The following ACSBG1 variants were observed in gnomAD, a reference collection of about 807,000 sequenced individuals.
ACSBG1 encodes the protein acyl-CoA synthetase bubblegum family member 1.
In ACSBG1, 39 loss-of-function variants were observed where a neutral mutation model predicts 80.2. That is an observed-to-expected ratio of 0.49 (90% CI 0.38 to 0.64). ACSBG1 has a LOEUF of 0.64. ACSBG1 is among the 30% of genes least tolerant of loss of function. The pLI is 0.00. For missense variants in ACSBG1, 828 were observed against 966.4 expected (o/e 0.86, Z 1.90); for synonymous variants, 392 against 379.5 (o/e 1.03, Z -0.38).
intron 1 of ACSBG1, among the ~76,000 whole-genome samples, chr15:78,232,139 T>C (rs2075451741): frequency 6.6e-6 from 1 of 152,246 alleles, no homozygotes; most frequent in Admixed American, 6.5e-5. Context: ...GTAACTCTTA[T>C]GCTTTGAAAA....
chr15:78,223,315 A>G (rs1463862707), intron 1 of ACSBG1, among the ~76,000 whole-genome samples: 5 of 152,200 alleles, frequency 3.3e-5, no homozygotes, highest in African/African-American at 7.2e-5. Flanking sequence ...ATCAGGAAAA[A>G]TAGCTAATGC....
At chr15:78,192,313 C>T (rs575000417) in intron 5 of ACSBG1, among the ~76,000 whole-genome samples, 1 of 152,276 alleles carries the variant, frequency 6.6e-6, no homozygotes, top group African/African-American at 2.4e-5. Context: ...GGCCACACTG[C>T]ATTTGAGCTC....
chr15:78,209,137 C>T (rs1369272719), intron 1 of ACSBG1: 1 of 456,000 alleles, frequency 2.2e-6, no homozygotes, highest in South Asian at 1.5e-5. Flanking sequence ...GGAAGCCGGG[C>T]CAATTACCTG....
At chr15:78,229,923 T>C (rs1300037686) in intron 1 of ACSBG1, among the ~76,000 whole-genome samples, 1 of 152,188 alleles carries the variant, frequency 6.6e-6, no homozygotes, top group Admixed American at 6.5e-5. Context: ...ACCAGTCTCA[T>C]GGCCACCCGT....
chr15:78,174,832 C>T (rs763566401), intron 11 of ACSBG1: 9 of 421,012 alleles, frequency 2.1e-5, no homozygotes, highest in East Asian at 2.0e-4. Context: ...CCAAATAGCC[C>T]GTGTCATTTC....
rs139076413 is a variant in ACSBG1 at position 78,195,256 on chromosome 15, A to G, written c.233-530T>C. 1.2e-3 allele frequency among the ~76,000 whole-genome samples: 178 copies of G among 152,290 alleles called. 3 individuals are homozygous for G. Among genetic ancestry groups the G allele is most frequent in the Non-Finnish European group, 4.3e-4 (29 of 68,032 alleles). ...CAGAAAATAACAACAGTCTTTGCTC[A>G]TTCTCCTCCTACAAATGAGGTGTCT... On this transcript the variant is annotated intron_variant, in intron 2 of 13. Transcript: ENST00000258873.
chr15:78,224,699 C>A (rs553900817), intron 1 of ACSBG1, among the ~76,000 whole-genome samples: 1 of 151,064 alleles, frequency 6.6e-6, no homozygotes, highest in Non-Finnish European at 1.5e-5. Flanking sequence ...CCAGCCTGGG[C>A]GACAGAGCGA....
chr15:78,207,365 G>T (rs1429844131), intron 2 of ACSBG1, among the ~76,000 whole-genome samples: 3 of 152,098 alleles, frequency 2.0e-5, no homozygotes, highest in Non-Finnish European at 4.4e-5. Context: ...TCTGTGCTGG[G>T]TATCTATTGT....
chr15:78,182,572 G>T lies in ACSBG1; in HGVS notation c.788C>A (p.Ala263Asp), dbSNP rs370424267. 40 of 1,613,992 alleles carry T rather than the reference G, an allele frequency of 2.5e-5. No homozygotes were observed. The African/African-American group carries it at 4.8e-4, about 19-fold the overall frequency. ...MELGNEVPEEALDAIIDTQQP... is the reference protein window; with the variant it reads ...MELGNEVPEEDLDAIIDTQQP... ...CTGGGTGTCAATGATGGCGTCCAGGGCTTCCTCAGGCACTTCATTCCCCAG... is the reference window on the plus strand; with the variant it reads ...CTGGGTGTCAATGATGGCGTCCAGGTCTTCCTCAGGCACTTCATTCCCCAG... The change falls in exon 7 of 14, where the codon GCC becomes GAC. Residue 263 changes from alanine (A) to aspartate (D), a missense_variant. Around this residue, in one of 3 missense-constraint regions of ACSBG1, gnomAD observed 356 missense variants for 363.5 expected, o/e 0.98. Transcript: ENST00000258873.
chr15:78,228,962 T>A (rs1315518253), intron 1 of ACSBG1, among the ~76,000 whole-genome samples: 2 of 152,384 alleles, frequency 1.3e-5, no homozygotes, highest in South Asian at 2.1e-4. Context: ...CTATTTTTTT[T>A]AATTACCGAC....
rs1405883904 is a variant in ACSBG1 at position 78,174,541 on chromosome 15, A to G, written c.1703-17T>C. The G allele has an allele frequency of 6.2e-7, 1 of 1,610,336 alleles. No individual in the cohort carries two copies. Among genetic ancestry groups the G allele is most frequent in the Non-Finnish European group, 8.5e-7 (1 of 1,177,916 alleles). On this transcript the variant is annotated splice_polypyrimidine_tract_variant and intron_variant, in intron 11 of 13. Transcript: ENST00000258873. ...TGATTAATTCTGGGGAGGCAAGGCC[A>G]GGCCCCCGGCACAGAATGTAGTCCA... is the stretch of plus-strand genomic sequence containing the variant.
intron 1 of ACSBG1, among the ~76,000 whole-genome samples, chr15:78,224,991 CAA>C (rs34820253): frequency 0.39 from 58,922 of 151,310 alleles, 11,846 homozygotes; most frequent in East Asian, 0.51. Context: ...AGGGGATCTA[CAA>C]AAAAAAGTGT....
intron 4 of ACSBG1, 114 bp downstream of exon 4, chr15:78,193,818 G>T: frequency 6.9e-7 from 1 of 1,449,208 alleles, no homozygotes; most frequent in Non-Finnish European, 9.4e-7. Flanking sequence ...GCCCCAGGGA[G>T]GAGGCAGGAT....
At chr15:78,182,386 G>A in intron 7 of ACSBG1, 80 bp downstream of exon 7, 3 of 1,557,550 alleles carry the variant, frequency 1.9e-6, no homozygotes, top group Middle Eastern at 3.8e-4. Flanking sequence ...CTTTCCCAGG[G>A]GCTACTGGGG....
chr15:78,210,986 G>C (rs1360887816), intron 1 of ACSBG1, among the ~76,000 whole-genome samples: 1 of 152,192 alleles, frequency 6.6e-6, no homozygotes, highest in Non-Finnish European at 1.5e-5. Flanking sequence ...CTGGCTTCTA[G>C]CAATTCATCT....
At chr15:78,194,749 G>A (rs1255587153) in intron 2 of ACSBG1, 23 bp from the exon 3 acceptor site, 2 of 1,606,484 alleles carry the variant, frequency 1.2e-6, no homozygotes, top group Admixed American at 1.7e-5. Context: ...GGAGACCACA[G>A]CTTGGATCAT....
intron 2 of ACSBG1, 85 bp downstream of exon 2, chr15:78,207,917 T>TCCCCCCCCCCCCCCCCCC: frequency 1.5e-5 from 13 of 876,060 alleles, no homozygotes; most frequent in East Asian, 5.4e-5. Flanking sequence ...TGTGTGGTGG[T>TCCCCCCCCCCCCCCCCCC]CCCCCACACC....
chr15:78,182,247 T>A, intron 7 of ACSBG1, 102 bp from the exon 8 acceptor site: 1 of 1,452,646 alleles, frequency 6.9e-7, no homozygotes, highest in Non-Finnish European at 9.2e-7. Flanking sequence ...TGGTGCCCCC[T>A]GTGGCGATTC....
At chr15:78,212,724 G>A (rs371720006) in intron 1 of ACSBG1, 12 of 391,476 alleles carry the variant, frequency 3.1e-5, no homozygotes, top group East Asian at 1.5e-4. Context: ...CCACCGGACC[G>A]CCCTGCAACA....
Sources: allele counts gnomAD v4.1 joint callset (sites outside exome capture counted in the v4.1 genomes callset), GRCh38; gene constraint gnomAD v4.1.1; regional missense constraint gnomAD v4.1.1; transcripts MANE v1.5; gene names NCBI Gene and HGNC (gene_info 2026-07-23, HGNC 2026-07-21).